The following SRRM4 variants were observed in gnomAD, a reference collection of about 807,000 sequenced individuals.
SRRM4 encodes the protein serine/arginine repetitive matrix 4, also known as serine/arginine repetitive matrix protein 4.
SRRM4 carries 33 observed loss-of-function variants against 68.9 expected under a neutral mutation model. The ratio of observed to expected loss-of-function variants is 0.48; its 90% CI spans 0.36 to 0.64. The LOEUF (loss-of-function observed/expected upper bound fraction) is 0.64, where lower values mean the gene tolerates loss of function less well. Ranked by LOEUF, SRRM4 falls within the 30% of genes least tolerant of loss-of-function variation. The pLI, the probability that SRRM4 is intolerant of heterozygous loss-of-function variation, is 0.00. For missense variants in SRRM4, 817 were observed against 827.1 expected (o/e 0.99, Z 0.15); for synonymous variants, 318 against 318.8 (o/e 1.00, Z 0.03).
intron 8 of SRRM4, chr12:119,133,123 G>C (rs1356736622): frequency 1.3e-5 from 2 of 152,182 alleles, no homozygotes; most frequent in African/African-American, 4.8e-5. Flanking sequence ...AAGTTTCTGT[G>C]TCTCAGTTTC....
rs1359464096 is a variant in SRRM4 at position 118,981,735 on chromosome 12, C to A, written c.-148C>A. On this transcript the variant is annotated 5_prime_UTR_variant, in exon 1 of 13. Transcript: ENST00000267260. ...GCCTGCCCGGGCTGGGGCGTCCCATCCCCCGCCCTGAACTCCGATCTCTCC... is the reference window on the plus strand; with the variant it reads ...GCCTGCCCGGGCTGGGGCGTCCCATACCCCGCCCTGAACTCCGATCTCTCC... 7.6e-6 allele frequency: 6 copies of A among 788,470 alleles called. No individual in the cohort carries two copies. The highest frequency in any genetic ancestry group is 3.8e-6 in the Non-Finnish European group (2 of 520,460). The allele number at this position is 788,470 out of a possible 1,614,324, so 48.8% of individuals were successfully genotyped here.
At chr12:119,080,608 G>A (rs1953942057) in intron 1 of SRRM4, among the ~76,000 whole-genome samples, 1 of 152,138 alleles carries the variant, frequency 6.6e-6, no homozygotes, top group South Asian at 2.1e-4. Flanking sequence ...TTCCCATGTT[G>A]CACGTGGGAA....
Position 119,156,515 on chromosome 12 carries a change from CCTA to C in SRRM4, c.1557_1559del (p.Tyr520del). On this transcript the variant is annotated inframe_deletion, in exon 13 of 13. Transcript: ENST00000267260. Reference sequence around the variant, plus strand: ...TGCAGTGCCCGGAAACGCCCCATCCCCTACTATCGGCCCAGCCCCTCCTCATCC... The same window carrying C: ...TGCAGTGCCCGGAAACGCCCCATCCCCTATCGGCCCAGCCCCTCCTCATCC... 1 of 1,608,890 alleles carries C rather than the reference CCTA, an allele frequency of 6.2e-7. No individual in the cohort carries two copies. Among genetic ancestry groups the C allele is most frequent in the South Asian group, 1.1e-5 (1 of 90,470 alleles).
intron 1 of SRRM4, among the ~76,000 whole-genome samples, chr12:119,019,949 T>G (rs868371012): frequency 1.6e-4 from 7 of 43,350 alleles, no homozygotes; most frequent in South Asian, 1.0e-3. Flanking sequence ...TTCCCCCCGC[T>G]CCCCCCCCCC....
intron 1 of SRRM4, among the ~76,000 whole-genome samples, chr12:119,054,850 C>T (rs1473481756): frequency 6.6e-6 from 1 of 152,182 alleles, no homozygotes; most frequent in Non-Finnish European, 1.5e-5. Context: ...TTTTAGCAAC[C>T]TCTAGCAAAG....
At chr12:118,999,047 C>T (rs1223689995) in intron 1 of SRRM4, among the ~76,000 whole-genome samples, 1 of 152,166 alleles carries the variant, frequency 6.6e-6, no homozygotes, top group South Asian at 2.1e-4. Context: ...GAGTTGGCTA[C>T]TGGGTGGGAT....
At chr12:119,121,114 C>G (rs1954216492) in intron 5 of SRRM4, among the ~76,000 whole-genome samples, 1 of 152,196 alleles carries the variant, frequency 6.6e-6, no homozygotes, top group Non-Finnish European at 1.5e-5. Context: ...TGATGTCACA[C>G]AGCAGCTAAG....
intron 8 of SRRM4, among the ~76,000 whole-genome samples, chr12:119,141,453 C>T (rs1051353820): frequency 2.6e-5 from 4 of 152,160 alleles, no homozygotes; most frequent in Admixed American, 1.3e-4. Flanking sequence ...CACACCCAGC[C>T]GAGCTGGTCT....
intron 1 of SRRM4, among the ~76,000 whole-genome samples, chr12:119,033,553 A>T (rs1953606688): frequency 6.6e-6 from 1 of 151,706 alleles, no homozygotes; most frequent in African/African-American, 2.4e-5. Flanking sequence ...GGTCCCAGCT[A>T]CTCCGGAGGC....
intron 1 of SRRM4, among the ~76,000 whole-genome samples, chr12:119,060,607 T>C (rs1407001894): frequency 6.6e-6 from 1 of 151,844 alleles, no homozygotes; most frequent in Non-Finnish European, 1.5e-5. Context: ...TTATCTGTAA[T>C]TTCTTTCACA....
chr12:119,037,239 A>G (rs1485098532), intron 1 of SRRM4, among the ~76,000 whole-genome samples: 4 of 152,180 alleles, frequency 2.6e-5, no homozygotes, highest in South Asian at 2.1e-4. Context: ...GAGATTTACC[A>G]GAATAAATGA....
At chr12:118,986,548 C>T (rs1057394592) in intron 1 of SRRM4, among the ~76,000 whole-genome samples, 2 of 152,170 alleles carry the variant, frequency 1.3e-5, no homozygotes, top group Non-Finnish European at 2.9e-5. Flanking sequence ...TCTCCCCACC[C>T]CACCTCCAGT....
chr12:119,084,416 T>C (rs1432870475), intron 1 of SRRM4, among the ~76,000 whole-genome samples: 1 of 152,212 alleles, frequency 6.6e-6, no homozygotes, highest in Non-Finnish European at 1.5e-5. Flanking sequence ...CGGAAACCCA[T>C]CTGCCCTTCA....
At chr12:119,007,777 C>A (rs1378371144) in intron 1 of SRRM4, among the ~76,000 whole-genome samples, 6 of 149,358 alleles carry the variant, frequency 4.0e-5, no homozygotes, top group African/African-American at 1.2e-4. Context: ...TAGCAGCACT[C>A]CTCCTGTAAA....
intron 1 of SRRM4, among the ~76,000 whole-genome samples, chr12:119,096,222 C>T (rs1029868065): frequency 3.4e-5 from 5 of 145,190 alleles, no homozygotes; most frequent in African/African-American, 7.6e-5. Flanking sequence ...TTAGCAGTGA[C>T]GGGGTTTCAC....
At chr12:119,129,432 A>AT (rs11319824) in intron 7 of SRRM4, among the ~76,000 whole-genome samples, 2 of 151,768 alleles carry the variant, frequency 1.3e-5, no homozygotes, top group Non-Finnish European at 1.5e-5. Flanking sequence ...TTTGTCAGCC[A>AT]TTTTTTTTTC....
chr12:119,025,554 C>T (rs1387093626), intron 1 of SRRM4, among the ~76,000 whole-genome samples: 2 of 152,134 alleles, frequency 1.3e-5, no homozygotes, highest in African/African-American at 4.8e-5. Context: ...AAGTGATTCT[C>T]CTGCCTCAGC....
Position 119,116,947 on chromosome 12 carries a change from T to G in SRRM4, c.376T>G (p.Tyr126Asp). The G allele has an allele frequency of 6.2e-7, 1 of 1,613,760 alleles. No homozygotes were observed. The highest frequency in any genetic ancestry group is 8.5e-7 in the Non-Finnish European group (1 of 1,179,756). ...TCTTGGCCCTGGCAGGTCCTCATCCTATAGCCCATCGCCTGTCAAGAAAAA... is the reference window on the plus strand; with the variant it reads ...TCTTGGCCCTGGCAGGTCCTCATCCGATAGCCCATCGCCTGTCAAGAAAAA... The part of the protein sequence containing the change: ...TRKKRRRSSS[Y>D]SPSPVKKKKK... Residue 126 changes from tyrosine to aspartate, a missense_variant, in exon 4 of 13, where the codon TAT (tyrosine) becomes GAT (aspartate). Physicochemically the swap from Tyr to Asp is radical, Grantham distance 160 (BLOSUM62 -3). Transcript: ENST00000267260.
intron 1 of SRRM4, among the ~76,000 whole-genome samples, chr12:118,998,187 T>C (rs12305240): frequency 0.051 from 7,289 of 141,602 alleles, 225 homozygotes; most frequent in East Asian, 0.14. Flanking sequence ...CCAAGAAAAG[T>C]GTTCAGAAAG....
Sources: gnomAD v4.1 joint callset for allele counts (sites outside exome capture counted in the v4.1 genomes callset) on GRCh38, gnomAD v4.1.1 for gene constraint, MANE v1.5 for transcripts, NCBI Gene and HGNC (gene_info 2026-07-23, HGNC 2026-07-21) for gene names.